ZMAT2: variants seen among roughly 807,000 people sequenced by gnomAD.
ZMAT2 encodes zinc finger matrin-type 2, also known as zinc finger matrin-type protein 2.
Under a neutral mutation model 27.5 loss-of-function variants are expected in ZMAT2, and 5 were observed. The observed-to-expected ratio is 0.18, with a 90% CI of 0.10 to 0.38. The LOEUF is 0.38. Among genes scored for constraint, ZMAT2 ranks in the 10% least tolerant of loss-of-function variants. ZMAT2 has a pLI of 1.00. For synonymous variants in ZMAT2, 76 were observed against 78.6 expected (o/e 0.97, Z 0.17); for missense variants, 124 against 243.9 (o/e 0.51, Z 3.27).
At chr5:140,700,590 C>CA in intron 1 of ZMAT2, 112 bp downstream of exon 1, 1 of 1,576,652 alleles carries the variant, frequency 6.3e-7, no homozygotes, top group Non-Finnish European at 8.6e-7. Flanking sequence ...CTCGAGATCC[C>CA]AGGGTTCAGG....
At chr5:140,701,920 C>T in intron 2 of ZMAT2, 86 bp from the exon 3 acceptor site, 5 of 1,502,750 alleles carry the variant, frequency 3.3e-6, no homozygotes, top group Non-Finnish European at 4.5e-6. Context: ...TGAGTAAGAC[C>T]TGAATTTTGG....
chr5:140,700,710 C>T (rs1005501067), intron 1 of ZMAT2, 109 bp from the exon 2 acceptor site: 7 of 1,367,650 alleles, frequency 5.1e-6, no homozygotes, highest in Non-Finnish European at 7.1e-6. Context: ...TCCAAAGAGG[C>T]TTTGCTTTCA....
At position 140,705,839 on chromosome 5, in the gene ZMAT2, T is replaced by C. The variant is rs1760048256; in HGVS notation, c.*83T>C. On this transcript the variant is annotated 3_prime_UTR_variant, in exon 6 of 6. Coordinates refer to ENST00000274712, the MANE Select transcript of ZMAT2 (RefSeq NM_144723.3). Reference sequence around the variant, plus strand: ...GTGTGTAGTAGGGGGTCATTTCTTTTTGGGTAATGGGAAAGTTCTTAAGAG... The same window carrying C: ...GTGTGTAGTAGGGGGTCATTTCTTTCTGGGTAATGGGAAAGTTCTTAAGAG... 1 of 1,536,596 alleles carries C rather than the reference T, an allele frequency of 6.5e-7. No individual in the cohort carries two copies. The highest frequency in any genetic ancestry group is 8.8e-7 in the Non-Finnish European group (1 of 1,139,414).
chr5:140,704,154 C>T, intron 4 of ZMAT2, 163 bp downstream of exon 4: 1 of 730,954 alleles, frequency 1.4e-6, no homozygotes, highest in Non-Finnish European at 2.3e-6. Context: ...TATTAGAACT[C>T]TCCAGTTGTT....
At chr5:140,703,434 G>A (rs1053589304) in intron 3 of ZMAT2, among the ~76,000 whole-genome samples, 3 of 151,692 alleles carry the variant, frequency 2.0e-5, no homozygotes, top group South Asian at 2.1e-4. Flanking sequence ...GGGTTTCTCC[G>A]TGTTGGTCAG....
intron 2 of ZMAT2, among the ~76,000 whole-genome samples, chr5:140,701,578 G>A (rs17119071): frequency 6.6e-6 from 1 of 152,138 alleles, no homozygotes; most frequent in Admixed American, 6.5e-5. Context: ...TGCTTGACAT[G>A]TAACAGGCAT....
At chr5:140,701,935 C>A in intron 2 of ZMAT2, 71 bp from the exon 3 acceptor site, 1 of 1,531,986 alleles carries the variant, frequency 6.5e-7, no homozygotes. Context: ...TTTTGGATTT[C>A]ATGCATTTTT....
At chr5:140,703,214 T>C (rs1759995851) in intron 3 of ZMAT2, among the ~76,000 whole-genome samples, 1 of 151,692 alleles carries the variant, frequency 6.6e-6, no homozygotes, top group African/African-American at 2.4e-5. Flanking sequence ...CCATAGACCT[T>C]TCTTTTTTCT....
At chr5:140,701,976 G>C in intron 2 of ZMAT2, 30 bp from the exon 3 acceptor site, 1 of 1,588,480 alleles carries the variant, frequency 6.3e-7, no homozygotes, top group Non-Finnish European at 8.6e-7. Context: ...CTATAATATT[G>C]AAGGGACTTC....
rs1760046182 is a variant in ZMAT2, at chr5:140,705,743, A to G, written c.587A>G (p.Lys196Arg). 1.2e-6 allele frequency: 2 copies of G among 1,613,884 alleles called. No individual in the cohort carries two copies. The highest frequency in any genetic ancestry group is 2.7e-5 in the African/African-American group (2 of 74,898). ...VMGFSGFGST[K>R]KSY ...GGCTTCTCTGGCTTTGGTTCCACCA[A>G]GAAGAGTTACTGAGGCTTTCTGTGC... The change falls in exon 6 of 6, where the codon AAG becomes AGG. Residue 196 changes from lysine to arginine, a missense_variant. Around this residue, in one of 5 missense-constraint regions of ZMAT2, gnomAD observed 53 missense variants for 82.3 expected, o/e 0.64. Coordinates refer to ENST00000274712, the MANE Select transcript of ZMAT2 (RefSeq NM_144723.3).
In ZMAT2 at chr5:140,703,894, T is replaced by C. The variant is rs772462598; in HGVS notation, c.237-24T>C. 1.9e-6 allele frequency: 3 copies of C among 1,607,154 alleles called. No individual in the cohort carries two copies. The East Asian group carries it at 6.7e-5, about 36-fold the overall frequency. On this transcript the variant is annotated intron_variant, in intron 3 of 5. Coordinates refer to ENST00000274712, the MANE Select transcript of ZMAT2 (RefSeq NM_144723.3). Reference sequence around the variant, plus strand: ...TAAGATCCTTAAAACCATATTTGACTCAGGTGCTGTTTCTTCCTGTTAGAT... The same window carrying C: ...TAAGATCCTTAAAACCATATTTGACCCAGGTGCTGTTTCTTCCTGTTAGAT...
intron 3 of ZMAT2, among the ~76,000 whole-genome samples, chr5:140,702,481 C>G (rs974434143): frequency 6.6e-6 from 1 of 152,108 alleles, no homozygotes; most frequent in Middle Eastern, 3.2e-3. Flanking sequence ...ATTAAAAAAA[C>G]CAAAACAAAC....
At chr5:140,701,470 A>G (rs1357008899) in intron 2 of ZMAT2, among the ~76,000 whole-genome samples, 1 of 152,174 alleles carries the variant, frequency 6.6e-6, no homozygotes. Flanking sequence ...TTATTTTGTC[A>G]TCTGTTTCAA....
chr5:140,700,546 A>C, intron 1 of ZMAT2, 68 bp downstream of exon 1: 26 of 1,608,088 alleles, frequency 1.6e-5, no homozygotes, highest in Non-Finnish European at 2.1e-5. Flanking sequence ...GAATAGAGAC[A>C]AACTCCTGCA....
chr5:140,701,744 A>G (rs1293950233), intron 2 of ZMAT2, among the ~76,000 whole-genome samples: 1 of 152,192 alleles, frequency 6.6e-6, no homozygotes, highest in African/African-American at 2.4e-5. Context: ...CTCCCCCACA[A>G]TTCAGTTAAT....
chr5:140,702,011 C>T lies in ZMAT2; in HGVS notation c.118C>T (p.Pro40Ser), dbSNP rs1173307666. 7 of 1,609,144 alleles carry T rather than the reference C, an allele frequency of 4.4e-6. No individual in the cohort carries two copies. Among genetic ancestry groups the T allele is most frequent in the Non-Finnish European group, 5.9e-6 (7 of 1,177,914 alleles). ...CCTTCCCCATTATGTTTCAGGAAAA[C>T]CAGTGCAGCCTGTCAAGCGAGAGCT... ...TEEREKKDGK[P>S]VQPVKRELLR... The change falls in exon 3 of 6, where the codon CCA (proline) becomes TCA (serine). Residue 40 changes from proline to serine, a missense_variant. Coordinates refer to ENST00000274712, the MANE Select transcript of ZMAT2 (RefSeq NM_144723.3).
chr5:140,700,630 C>A, intron 1 of ZMAT2, 152 bp downstream of exon 1: 1 of 1,450,720 alleles, frequency 6.9e-7, no homozygotes, highest in Non-Finnish European at 9.4e-7. Context: ...TAGGCCTTGG[C>A]AGAGGGTCAG....
chr5:140,701,214 TAAGTA>T (rs988438460), intron 2 of ZMAT2, among the ~76,000 whole-genome samples: 2 of 152,132 alleles, frequency 1.3e-5, no homozygotes, highest in Non-Finnish European at 2.9e-5. Context: ...ACAGAGAAGT[TAAGTA>T]GAGTATTTTG....
At chr5:140,701,062 ATG>A in intron 2 of ZMAT2, 150 bp downstream of exon 2, 1 of 733,164 alleles carries the variant, frequency 1.4e-6, no homozygotes, top group Non-Finnish European at 2.2e-6. Flanking sequence ...CATTTACAAA[ATG>A]AGAGCGAGGA....
Sources: gnomAD v4.1 joint callset for allele counts (sites outside exome capture counted in the v4.1 genomes callset) on GRCh38, gnomAD v4.1.1 for gene constraint, gnomAD v4.1.1 regional missense constraint, MANE v1.5 for transcripts, NCBI Gene and HGNC (gene_info 2026-07-23, HGNC 2026-07-21) for gene names.